Variants in CDKN2B-AS1 observed in about 807,000 individuals in gnomAD.
CDKN2B-AS1 encodes the protein CDKN2B antisense RNA 1 (non-protein coding).
In CDKN2B-AS1 at chr9:21,996,235, C is replaced by T. The variant is rs1448931183; in HGVS notation, n.29+1074C>T. Among the ~76,000 whole-genome samples, 2 of 152,084 alleles carry T rather than the reference C, an allele frequency of 1.3e-5. No homozygotes were observed. The highest frequency in any genetic ancestry group is 2.9e-5 in the Non-Finnish European group (2 of 68,024). On this transcript the variant is annotated intron_variant and non_coding_transcript_variant, in intron 1 of 4. Transcript: ENST00000650946. This position sits in a 1 kb window ranked among gnomAD's most constrained non-coding sequence, Gnocchi z 5.4. ...TTGCTGCCGGACCTCGGTACAAACC[C>T]AAGACAAAACGGGGCCCTTTGGAAA...
intron 3 of CDKN2B-AS1, among the ~76,000 whole-genome samples, chr9:22,051,887 G>A (rs1270242803): frequency 1.3e-5 from 2 of 152,140 alleles, no homozygotes; most frequent in Non-Finnish European, 1.5e-5. Flanking sequence ...ATTTAAAGGA[G>A]TTTGCATCAG....
intron 4 of CDKN2B-AS1, among the ~76,000 whole-genome samples, chr9:22,060,782 A>G (rs941397521): frequency 5.3e-5 from 8 of 152,194 alleles, no homozygotes; most frequent in African/African-American, 1.9e-4. Context: ...AGGAGGTGAA[A>G]GGCACTTCTC....
At chr9:22,069,280 T>C (rs545956539) in intron 4 of CDKN2B-AS1, among the ~76,000 whole-genome samples, 16 of 152,014 alleles carry the variant, frequency 1.1e-4, no homozygotes, top group Non-Finnish European at 2.2e-4. Context: ...GCAAAACCCA[T>C]GGGTAATGGA....
At chr9:22,027,428 A>T (rs942188110) in intron 1 of CDKN2B-AS1, among the ~76,000 whole-genome samples, 4 of 152,230 alleles carry the variant, frequency 2.6e-5, no homozygotes, top group South Asian at 2.1e-4. Flanking sequence ...CTCAGAAAAA[A>T]TGCCAGGAGA....
intron 1 of CDKN2B-AS1, among the ~76,000 whole-genome samples, chr9:22,018,507 A>T (rs754713925): frequency 6.6e-6 from 1 of 151,996 alleles, no homozygotes. Flanking sequence ...AAATACAAAA[A>T]TTAGCTGGGC....
chr9:22,071,648 C>T, intron 4 of CDKN2B-AS1, among the ~76,000 whole-genome samples: 1 of 152,054 alleles, frequency 6.6e-6, no homozygotes, highest in South Asian at 2.1e-4. Flanking sequence ...TCTTCTTCAA[C>T]TTCTATGATT....
chr9:22,016,406 C>T (rs1821761192), intron 1 of CDKN2B-AS1, among the ~76,000 whole-genome samples: 1 of 152,194 alleles, frequency 6.6e-6, no homozygotes, highest in Non-Finnish European at 1.5e-5. Flanking sequence ...TCATCCCCAT[C>T]AAGCTGCCAA....
chr9:21,999,965 T>C lies in CDKN2B-AS1; in HGVS notation n.29+4804T>C, dbSNP rs1161254411. On this transcript the variant is annotated intron_variant and non_coding_transcript_variant, in intron 1 of 4. Coordinates refer to ENST00000650946, the Ensembl canonical transcript of CDKN2B-AS1. This position sits in a 1 kb window ranked among gnomAD's most constrained non-coding sequence, Gnocchi z 4.7. ...ATATTTCTGGAAGGATAATTAAATA[T>C]TTGTAATAGTGGTTACCTTTGGGTA... Among the ~76,000 whole-genome samples, 2 of 152,168 alleles carry C rather than the reference T, an allele frequency of 1.3e-5. No individual in the cohort carries two copies. Among genetic ancestry groups the C allele is most frequent in the East Asian group, 3.8e-4 (2 of 5,200 alleles).
At chr9:22,100,605 G>C (rs565345543) in intron 4 of CDKN2B-AS1, among the ~76,000 whole-genome samples, 1 of 151,610 alleles carries the variant, frequency 6.6e-6, no homozygotes, top group South Asian at 2.1e-4. Context: ...TGACTTTTAT[G>C]AATAATGCTG....
chr9:22,082,127 C>A (rs1359208937), intron 4 of CDKN2B-AS1, among the ~76,000 whole-genome samples: 3 of 152,216 alleles, frequency 2.0e-5, no homozygotes, highest in African/African-American at 4.8e-5. Context: ...TTTTAATTCA[C>A]AAGATTAATC....
Position 22,039,361 on chromosome 9 carries a change from C to T in CDKN2B-AS1, n.30-7390C>T, listed in dbSNP as rs1232057471. 2.0e-5 allele frequency among the ~76,000 whole-genome samples: 3 copies of T among 151,952 alleles called. No individual in the cohort carries two copies. The highest frequency in any genetic ancestry group is 2.9e-5 in the Non-Finnish European group (2 of 67,934). ...TCTTTATGAAACCAGTATAATTTTT[C>T]TTTTCGCTCTTGTCCTTCACCTTCC... On this transcript the variant is annotated intron_variant and non_coding_transcript_variant, in intron 1 of 4. Transcript: ENST00000650946. The surrounding 1 kb of genome is among the most constrained non-coding windows in gnomAD (Gnocchi z 4.4).
At chr9:22,097,611 C>G (rs776665006) in intron 4 of CDKN2B-AS1, among the ~76,000 whole-genome samples, 1 of 152,172 alleles carries the variant, frequency 6.6e-6, no homozygotes, top group Non-Finnish European at 1.5e-5. Flanking sequence ...AGTGCAAATC[C>G]TATTCTGTAC....
At position 22,006,129 on chromosome 9, in the gene CDKN2B-AS1, A is replaced by C; in HGVS notation, n.29+10968A>C. 6.2e-7 allele frequency: 1 copy of C among 1,611,300 alleles called. No homozygotes were observed. Among genetic ancestry groups the C allele is most frequent in the Non-Finnish European group, 8.5e-7 (1 of 1,179,852 alleles). On this transcript the variant is annotated intron_variant and non_coding_transcript_variant, in intron 1 of 4. Coordinates refer to ENST00000650946, the Ensembl canonical transcript of CDKN2B-AS1. The surrounding 1 kb of genome is among the most constrained non-coding windows in gnomAD (Gnocchi z 6.4). ...GTGCAGCACCACCAGCGTGTCCAGG[A>C]AGCCCTCCCGGGCAGCATCATGCAC...
chr9:22,026,635 G>A (rs76900110), intron 1 of CDKN2B-AS1, among the ~76,000 whole-genome samples: 2 of 152,296 alleles, frequency 1.3e-5, no homozygotes, highest in African/African-American at 2.4e-5. Context: ...TGCTGATCTC[G>A]CTGGATTCAG....
chr9:22,035,993 A>G (rs914706123), intron 1 of CDKN2B-AS1, among the ~76,000 whole-genome samples: 3 of 152,114 alleles, frequency 2.0e-5, no homozygotes, highest in Admixed American at 2.0e-4. Context: ...TTAACAGACA[A>G]CTTTCAGTTT....
intron 1 of CDKN2B-AS1, among the ~76,000 whole-genome samples, chr9:22,027,300 A>G (rs999970385): frequency 2.7e-4 from 41 of 152,128 alleles, no homozygotes; most frequent in Non-Finnish European, 3.1e-4. Flanking sequence ...TAAAAATTCT[A>G]GGTCCAGCTC....
At chr9:22,033,481 C>T (rs1822559914) in intron 1 of CDKN2B-AS1, among the ~76,000 whole-genome samples, 1 of 152,200 alleles carries the variant, frequency 6.6e-6, no homozygotes, top group South Asian at 2.1e-4. Context: ...TTAACAAGTA[C>T]TGGCAAGTCA....
intron 4 of CDKN2B-AS1, chr9:22,120,270 A>C (rs975696943): frequency 6.6e-6 from 1 of 152,198 alleles, no homozygotes; most frequent in Non-Finnish European, 1.5e-5. Context: ...TTTCTGCTAC[A>C]TGGAGGCTAG....
In CDKN2B-AS1 at chr9:22,006,472, T is replaced by C. The variant is rs1397403106; in HGVS notation, n.29+11311T>C. On this transcript the variant is annotated intron_variant and non_coding_transcript_variant, in intron 1 of 4. Coordinates refer to ENST00000650946, the Ensembl canonical transcript of CDKN2B-AS1. This position sits in a 1 kb window ranked among gnomAD's most constrained non-coding sequence, Gnocchi z 6.4. ...ACTCAGTACAAATTAAATGCCATTT[T>C]ATTCTCTAAACGTGCAGAGACAAGA... Among the ~76,000 whole-genome samples the C allele has an allele frequency of 9.2e-5, 14 of 152,222 alleles. No homozygotes were observed. The highest frequency in any genetic ancestry group is 8.8e-5 in the Non-Finnish European group (6 of 68,040).
Sources: allele counts gnomAD v4.1 joint callset (sites outside exome capture counted in the v4.1 genomes callset), GRCh38; gene constraint gnomAD v4.1.1; non-coding constraint Gnocchi (gnomAD v3.1); transcripts MANE v1.5; gene names NCBI Gene and HGNC (gene_info 2026-07-23, HGNC 2026-07-21).